Variants in FUT8 observed in about 807,000 individuals in gnomAD.
FUT8 encodes the protein fucosyltransferase 8.
A neutral mutation model predicts 71.3 loss-of-function variants in FUT8; 29 were observed. That is an observed-to-expected ratio of 0.41 (90% CI 0.30 to 0.55). The LOEUF (loss-of-function observed/expected upper bound fraction) is 0.55. Among genes scored for constraint, FUT8 ranks in the 20% least tolerant of loss-of-function variants. The pLI is 0.34. For synonymous variants in FUT8, 254 were observed against 239.3 expected (o/e 1.06, Z -0.57); for missense variants, 544 against 702.1 (o/e 0.77, Z 2.55).
the FUT8 span, among the ~76,000 whole-genome samples, chr14:65,359,249 A>G: frequency 6.6e-6 from 1 of 152,224 alleles, no homozygotes; most frequent in African/African-American, 2.4e-5. Context: ...GGGCTGCCCC[A>G]AGGACACATG....
At chr14:65,456,290 C>T (rs1413064832) in intron 2 of FUT8, among the ~76,000 whole-genome samples, 1 of 152,120 alleles carries the variant, frequency 6.6e-6, no homozygotes, top group Non-Finnish European at 1.5e-5. Flanking sequence ...GCTTTCTATC[C>T]CTGTAATTTG....
chr14:65,375,212 T>A, the FUT8 span, among the ~76,000 whole-genome samples: 2 of 152,142 alleles, frequency 1.3e-5, no homozygotes, highest in African/African-American at 2.4e-5. Context: ...CAAAAAATTA[T>A]TTTCTGCCAA....
the FUT8 span, among the ~76,000 whole-genome samples, chr14:65,373,567 T>G: frequency 6.6e-6 from 1 of 151,960 alleles, no homozygotes; most frequent in Non-Finnish European, 1.5e-5. Flanking sequence ...CCAAAAGTGC[T>G]CGCCCCGGCT....
At chr14:65,650,669 A>G (rs1891347326) in intron 6 of FUT8, among the ~76,000 whole-genome samples, 1 of 148,894 alleles carries the variant, frequency 6.7e-6, no homozygotes, top group Non-Finnish European at 1.5e-5. Flanking sequence ...GGGTGGGGAC[A>G]CAGATCCAAA....
intron 1 of FUT8, among the ~76,000 whole-genome samples, chr14:65,448,371 C>T (rs893125877): frequency 4.6e-5 from 7 of 152,202 alleles, no homozygotes; most frequent in Admixed American, 2.6e-4. Flanking sequence ...TCAGGAGGAT[C>T]GTTTGTTCTG....
At chr14:65,401,690 G>A in the FUT8 span, among the ~76,000 whole-genome samples, 1 of 152,184 alleles carries the variant, frequency 6.6e-6, no homozygotes, top group South Asian at 2.1e-4. Flanking sequence ...TTGAGGCCAG[G>A]AGTTCGAGAC....
chr14:65,575,602 C>CCTTCCTT (rs1886722240), intron 3 of FUT8, among the ~76,000 whole-genome samples: 1 of 137,854 alleles, frequency 7.3e-6, no homozygotes, highest in African/African-American at 2.8e-5. Context: ...TTCCTTCCTT[C>CCTTCCTT]CTTCCTTCCT....
At chr14:65,477,121 T>C (rs764480810) in intron 2 of FUT8, among the ~76,000 whole-genome samples, 3 of 152,216 alleles carry the variant, frequency 2.0e-5, no homozygotes, top group Non-Finnish European at 4.4e-5. Flanking sequence ...AATTCTGGAA[T>C]TGCCCTAGAG....
At chr14:65,448,210 G>T (rs1035284840) in intron 1 of FUT8, among the ~76,000 whole-genome samples, 4 of 152,040 alleles carry the variant, frequency 2.6e-5, no homozygotes, top group African/African-American at 9.7e-5. Flanking sequence ...CCATAAAAAC[G>T]CCAGATGATG....
chr14:65,411,938 C>A, upstream of FUT8: 2 of 435,832 alleles, frequency 4.6e-6, no homozygotes, highest in Non-Finnish European at 9.2e-6. Context: ...TCTGGGGCAG[C>A]CCTTCGGTCC....
intron 6 of FUT8, among the ~76,000 whole-genome samples, chr14:65,636,228 C>T (rs1451551673): frequency 6.6e-6 from 1 of 151,942 alleles, no homozygotes; most frequent in African/African-American, 2.4e-5. Context: ...GATTTTTTCT[C>T]TTCTTTTCTT....
At chr14:65,495,743 A>G (rs1268793776) in intron 2 of FUT8, among the ~76,000 whole-genome samples, 2 of 152,206 alleles carry the variant, frequency 1.3e-5, no homozygotes, top group African/African-American at 4.8e-5. Context: ...TGCTAATGTT[A>G]TCAGTATATA....
intron 2 of FUT8, among the ~76,000 whole-genome samples, chr14:65,506,314 A>G (rs1335093685): frequency 6.6e-6 from 1 of 152,246 alleles, no homozygotes; most frequent in Non-Finnish European, 1.5e-5. Context: ...GTGATTTGAA[A>G]AACAATTTAG....
At chr14:65,681,762 C>T (rs909836613) in intron 7 of FUT8, among the ~76,000 whole-genome samples, 1 of 152,134 alleles carries the variant, frequency 6.6e-6, no homozygotes, top group South Asian at 2.1e-4. Context: ...AACCATACTA[C>T]GTTACTGTGC....
chr14:65,376,953 C>T, the FUT8 span, among the ~76,000 whole-genome samples: 1 of 152,082 alleles, frequency 6.6e-6, no homozygotes, highest in Non-Finnish European at 1.5e-5. Flanking sequence ...CCCGGAAGAG[C>T]CTGGCAATGT....
chr14:65,446,608 CTTTATT>C (rs2065744753), intron 1 of FUT8, among the ~76,000 whole-genome samples: 1 of 146,978 alleles, frequency 6.8e-6, no homozygotes, highest in South Asian at 2.2e-4. Flanking sequence ...ATACTTGATT[CTTTATT>C]TTTATTTACC....
At chr14:65,367,738 A>T in the FUT8 span, among the ~76,000 whole-genome samples, 19 of 152,140 alleles carry the variant, frequency 1.2e-4, no homozygotes, top group Non-Finnish European at 2.2e-4. Flanking sequence ...CACTTCTGAA[A>T]TTCTCTTTTC....
At chr14:65,704,593 A>C (rs896609698) in intron 7 of FUT8, among the ~76,000 whole-genome samples, 1 of 152,156 alleles carries the variant, frequency 6.6e-6, no homozygotes, top group Non-Finnish European at 1.5e-5. Flanking sequence ...CTAGCCATGG[A>C]CTCATAGGGT....
At position 65,574,440 on chromosome 14, in the gene FUT8, G is replaced by A. The variant is rs1453111368; in HGVS notation, c.203+12674G>A. Among the ~76,000 whole-genome samples, 1 of 152,024 alleles carries A rather than the reference G, an allele frequency of 6.6e-6. No individual in the cohort carries two copies. The highest frequency in any genetic ancestry group is 1.5e-5 in the Non-Finnish European group (1 of 67,996). On this transcript the variant is annotated intron_variant, in intron 3 of 10. Coordinates refer to ENST00000673929, the MANE Select transcript of FUT8 (RefSeq NM_001371533.1). The surrounding 1 kb of genome is among the most constrained non-coding windows in gnomAD (Gnocchi z 5.2). ...TCAACCACCACAGCAGGGATCATGTGTTTTTAACATGTTTTATTGTGCTCG... is the reference window on the plus strand; with the variant it reads ...TCAACCACCACAGCAGGGATCATGTATTTTTAACATGTTTTATTGTGCTCG...
Sources: gnomAD v4.1 joint callset for allele counts (sites outside exome capture counted in the v4.1 genomes callset) on GRCh38, gnomAD v4.1.1 for gene constraint, Gnocchi (gnomAD v3.1) non-coding constraint, MANE v1.5 for transcripts, NCBI Gene and HGNC (gene_info 2026-07-23, HGNC 2026-07-21) for gene names.